FGGY: variants seen among roughly 807,000 people sequenced by gnomAD.
FGGY encodes the protein FGGY carbohydrate kinase domain containing.
FGGY carries 72 observed loss-of-function variants against 71.3 expected under a neutral mutation model. The observed-to-expected ratio is 1.01, with a 90% CI of 0.84 to 1.23. FGGY has a LOEUF of 1.23. Ranked by LOEUF, FGGY falls within the 50% of genes most tolerant of loss-of-function variation. FGGY has a pLI of 0.00. For synonymous variants in FGGY, 251 were observed against 250.3 expected, an observed-to-expected ratio of 1.00 and a Z score of -0.02; for missense variants, 668 against 682.3, an observed-to-expected ratio of 0.98 and a Z score of 0.23.
At chr1:59,738,624 A>G (rs925150993) in intron 14 of FGGY, among the ~76,000 whole-genome samples, 1 of 152,220 alleles carries the variant, frequency 6.6e-6, no homozygotes, top group African/African-American at 2.4e-5. Context: ...ATCCCATGTC[A>G]GAAGAAACTG....
intron 7 of FGGY, among the ~76,000 whole-genome samples, chr1:59,534,001 GAGA>G (rs1435836277): frequency 6.6e-6 from 1 of 152,224 alleles, no homozygotes; most frequent in African/African-American, 2.4e-5. Flanking sequence ...GAAGAGCTGA[GAGA>G]AGAAGGCTTC....
At chr1:59,494,403 C>T (rs1187916975) in intron 6 of FGGY, among the ~76,000 whole-genome samples, 1 of 151,916 alleles carries the variant, frequency 6.6e-6, no homozygotes, top group African/African-American at 2.4e-5. Context: ...GAGCAGAGGC[C>T]CAGGGCTGGG....
intron 6 of FGGY, 36 bp from the exon 7 acceptor site, chr1:59,512,275 A>G (rs747921550): frequency 1.9e-6 from 3 of 1,567,386 alleles, no homozygotes; most frequent in African/African-American, 2.7e-5. Context: ...GTGTTTTTCA[A>G]ACTGATGGTG....
chr1:59,655,227 T>G (rs2097207178), intron 11 of FGGY, among the ~76,000 whole-genome samples: 1 of 152,200 alleles, frequency 6.6e-6, no homozygotes, highest in Admixed American at 6.5e-5. Flanking sequence ...GAATGAACAC[T>G]TATTAAGAGA....
chr1:59,358,487 G>A (rs552317779), intron 4 of FGGY, among the ~76,000 whole-genome samples: 21 of 151,908 alleles, frequency 1.4e-4, no homozygotes, highest in African/African-American at 4.3e-4. Context: ...GCCATTACCC[G>A]CCCTGCCACC....
chr1:59,527,990 C>T (rs955163718), intron 7 of FGGY, among the ~76,000 whole-genome samples: 8 of 152,076 alleles, frequency 5.3e-5, no homozygotes, highest in African/African-American at 1.9e-4. Context: ...ATGGCTGGGT[C>T]CCCACCACCA....
At chr1:59,312,886 G>A (rs1456172569) in intron 1 of FGGY, among the ~76,000 whole-genome samples, 1 of 152,194 alleles carries the variant, frequency 6.6e-6, no homozygotes, top group Non-Finnish European at 1.5e-5. Context: ...GGTAGGTTCT[G>A]TCTTTTCTGC....
At chr1:59,312,398 A>G (rs776042230) in intron 1 of FGGY, among the ~76,000 whole-genome samples, 2 of 152,218 alleles carry the variant, frequency 1.3e-5, no homozygotes, top group Non-Finnish European at 2.9e-5. Context: ...CCTCATGTAG[A>G]TGGGAGAAAC....
intron 6 of FGGY, among the ~76,000 whole-genome samples, chr1:59,478,929 G>A (rs1180897509): frequency 2.0e-5 from 3 of 152,108 alleles, no homozygotes; most frequent in Admixed American, 1.3e-4. Context: ...GATAAGGACT[G>A]GACACTGTTC....
intron 8 of FGGY, among the ~76,000 whole-genome samples, chr1:59,569,651 C>T (rs1358855596): frequency 6.6e-6 from 1 of 152,144 alleles, no homozygotes; most frequent in African/African-American, 2.4e-5. Context: ...TAATAGAAAC[C>T]TCACAGGTTG....
intron 10 of FGGY, among the ~76,000 whole-genome samples, chr1:59,630,257 A>G (rs2096896269): frequency 6.6e-6 from 1 of 152,172 alleles, no homozygotes; most frequent in African/African-American, 2.4e-5. Context: ...ACTAAAATTC[A>G]AGATGAGATT....
rs71046339 is a variant in FGGY at position 59,721,337 on chromosome 1, GTTTT to G, written c.1513-36578_1513-36575del. 8.7e-3 allele frequency among the ~76,000 whole-genome samples: 915 copies of G among 105,310 alleles called. 17 individuals carry two copies. Among genetic ancestry groups the G allele is most frequent in the African/African-American group, 0.027 (648 of 24,004 alleles). The allele number at this position is 105,310 out of a possible 152,430, so 69.1% of individuals were successfully genotyped here. A position where few individuals can be genotyped will look rare whatever the true frequency, so the allele number is the denominator to read the frequency against. ...AGAGAGTTTTTCTTTTCTTTCCTTTGTTTTTTTTTTTTTTTTTTTGAGACGGAGT... is the reference window on the plus strand; with the variant it reads ...AGAGAGTTTTTCTTTTCTTTCCTTTGTTTTTTTTTTTTTTTGAGACGGAGT... On this transcript the variant is annotated intron_variant, in intron 14 of 15. Coordinates refer to ENST00000303721, the MANE Select transcript of FGGY (RefSeq NM_018291.5).
intron 7 of FGGY, among the ~76,000 whole-genome samples, chr1:59,543,502 G>A (rs1469908817): frequency 6.6e-6 from 1 of 152,196 alleles, no homozygotes; most frequent in Non-Finnish European, 1.5e-5. Context: ...AGCCTTTATA[G>A]AAACTTGGCC....
At chr1:59,386,550 C>G (rs989659192) in intron 5 of FGGY, among the ~76,000 whole-genome samples, 1 of 152,078 alleles carries the variant, frequency 6.6e-6, no homozygotes, top group African/African-American at 2.4e-5. Flanking sequence ...CCCCACCCCC[C>G]ACCATATTGT....
At chr1:59,526,901 G>A (rs767867695) in intron 7 of FGGY, among the ~76,000 whole-genome samples, 1 of 152,202 alleles carries the variant, frequency 6.6e-6, no homozygotes, top group Non-Finnish European at 1.5e-5. Context: ...ATGGGGATGG[G>A]AATAGTGCCT....
intron 12 of FGGY, chr1:59,660,539 T>G (rs1367949671): frequency 2.7e-5 from 9 of 330,654 alleles, no homozygotes; most frequent in African/African-American, 1.7e-4. Flanking sequence ...TACTTGTCAT[T>G]TATCTAATTT....
chr1:59,657,602 C>T (rs1312111038), intron 11 of FGGY, among the ~76,000 whole-genome samples: 2 of 152,138 alleles, frequency 1.3e-5, no homozygotes, highest in Admixed American at 6.5e-5. Context: ...GTGATCATTG[C>T]CAGGACCACT....
intron 14 of FGGY, 72 bp downstream of exon 14, chr1:59,674,205 C>G: frequency 8.8e-7 from 1 of 1,141,950 alleles, no homozygotes; most frequent in Non-Finnish European, 1.3e-6. Flanking sequence ...GACAGCAGCT[C>G]GCATTTTACA....
At chr1:59,458,022 C>T (rs1055836542) in intron 6 of FGGY, among the ~76,000 whole-genome samples, 1 of 152,186 alleles carries the variant, frequency 6.6e-6, no homozygotes, top group Non-Finnish European at 1.5e-5. Context: ...AGATTAGTAA[C>T]CTTGCCTAAC....
Sources: allele counts gnomAD v4.1 joint callset (sites outside exome capture counted in the v4.1 genomes callset), GRCh38; gene constraint gnomAD v4.1.1; transcripts MANE v1.5; gene names NCBI Gene and HGNC (gene_info 2026-07-23, HGNC 2026-07-21).